CACNG2: variants seen among roughly 807,000 people sequenced by gnomAD.
CACNG2 encodes the protein calcium voltage-gated channel auxiliary subunit gamma 2, also known as voltage-dependent calcium channel gamma-2 subunit.
A neutral mutation model predicts 25.9 loss-of-function variants in CACNG2; 3 were observed. The ratio of observed to expected loss-of-function variants is 0.12; its 90% CI spans 0.05 to 0.30. The LOEUF (loss-of-function observed/expected upper bound fraction) is 0.30. CACNG2 is among the 10% of genes least tolerant of loss of function. The pLI, the probability that CACNG2 is intolerant of heterozygous loss-of-function variation, is 1.00. For missense variants in CACNG2, 341 were observed against 432.5 expected (o/e 0.79, Z 1.88); for synonymous variants, 167 against 173.3 (o/e 0.96, Z 0.29).
intron 2 of CACNG2, among the ~76,000 whole-genome samples, chr22:36,568,354 A>G (rs1935163720): frequency 6.6e-6 from 1 of 151,920 alleles, no homozygotes; most frequent in South Asian, 2.1e-4. Flanking sequence ...TGAGAAGAGA[A>G]TTTCTCTATA....
chr22:36,591,658 C>G (rs1935594528), intron 1 of CACNG2, among the ~76,000 whole-genome samples: 2 of 152,050 alleles, frequency 1.3e-5, no homozygotes, highest in South Asian at 2.1e-4. Flanking sequence ...GGTGACAGAG[C>G]AAGACTCTGT....
intron 1 of CACNG2, among the ~76,000 whole-genome samples, chr22:36,671,975 G>C (rs1369274915): frequency 1.3e-5 from 2 of 152,080 alleles, no homozygotes; most frequent in East Asian, 3.9e-4. Flanking sequence ...AGGTAAGACG[G>C]GTAACTTTCA....
chr22:36,664,025 C>T (rs1341247405), intron 1 of CACNG2, among the ~76,000 whole-genome samples: 2 of 152,104 alleles, frequency 1.3e-5, no homozygotes, highest in African/African-American at 4.8e-5. Flanking sequence ...CTTGCTGCTC[C>T]CCTCTGGACC....
chr22:36,630,451 G>A (rs1377019393), intron 1 of CACNG2, among the ~76,000 whole-genome samples: 1 of 152,106 alleles, frequency 6.6e-6, no homozygotes, highest in African/African-American at 2.4e-5. Context: ...ATCTAGGAGG[G>A]GAAGAGCAAT....
At chr22:36,597,718 G>T (rs1284544141) in intron 1 of CACNG2, among the ~76,000 whole-genome samples, 2 of 152,126 alleles carry the variant, frequency 1.3e-5, no homozygotes, top group African/African-American at 4.8e-5. Context: ...ATTTTAATGG[G>T]CATGGGAAGC....
intron 2 of CACNG2, among the ~76,000 whole-genome samples, chr22:36,583,555 G>T (rs1376978324): frequency 6.6e-6 from 1 of 152,126 alleles, no homozygotes; most frequent in Non-Finnish European, 1.5e-5. Context: ...GGAGAAAGAA[G>T]AGTTGCTTGA....
rs543976757 is a variant in CACNG2 at position 36,638,073 on chromosome 22, C to G, written c.212-50525G>C. ...TTCTGAAGTCCATACTGCCTTTACT[C>G]CTCTGTGGGTTCATGTGTGGACCTG... On this transcript the variant is annotated intron_variant, in intron 1 of 3. Transcript: ENST00000300105. Among the ~76,000 whole-genome samples the G allele has an allele frequency of 2.1e-3, 318 of 152,198 alleles. 2 individuals carry two copies. Among genetic ancestry groups the G allele is most frequent in the African/African-American group, 7.5e-3 (312 of 41,536 alleles).
At chr22:36,657,455 ACTCGGGAGGG>A (rs1373812099) in intron 1 of CACNG2, among the ~76,000 whole-genome samples, 1 of 152,084 alleles carries the variant, frequency 6.6e-6, no homozygotes, top group Non-Finnish European at 1.5e-5. Flanking sequence ...CCTGGCCTGG[ACTCGGGAGGG>A]CTCTGCCTGG....
intron 1 of CACNG2, among the ~76,000 whole-genome samples, chr22:36,631,860 G>T (rs1936278028): frequency 6.6e-6 from 1 of 152,046 alleles, no homozygotes; most frequent in Non-Finnish European, 1.5e-5. Context: ...CAGAGACATG[G>T]GCTCTCTGGC....
chr22:36,639,424 A>G (rs899778904), intron 1 of CACNG2, among the ~76,000 whole-genome samples: 1 of 152,106 alleles, frequency 6.6e-6, no homozygotes, highest in African/African-American at 2.4e-5. Flanking sequence ...GGGTAGAGGG[A>G]AGTGTGAGAG....
intron 1 of CACNG2, among the ~76,000 whole-genome samples, chr22:36,647,458 T>C (rs1458829418): frequency 2.0e-5 from 3 of 152,030 alleles, no homozygotes; most frequent in African/African-American, 7.2e-5. Flanking sequence ...TAGATGGGTG[T>C]GGTGGCAGGC....
At chr22:36,570,656 G>C (rs892500325) in intron 2 of CACNG2, among the ~76,000 whole-genome samples, 13 of 151,900 alleles carry the variant, frequency 8.6e-5, no homozygotes, top group Admixed American at 2.0e-4. Flanking sequence ...TCAGCTACTG[G>C]GGGTGCTGAG....
Position 36,564,346 on chromosome 22 carries a change from G to C in CACNG2, c.*5C>G, listed in dbSNP as rs374613281. 6.2e-7 allele frequency: 1 copy of C among 1,611,860 alleles called. No individual in the cohort carries two copies. The highest frequency in any genetic ancestry group is 8.5e-7 in the Non-Finnish European group (1 of 1,179,034). On this transcript the variant is annotated 3_prime_UTR_variant, in exon 4 of 4. Coordinates refer to ENST00000300105, the MANE Select transcript of CACNG2 (RefSeq NM_006078.5). The surrounding 1 kb of genome is among the most constrained non-coding windows in gnomAD (Gnocchi z 6.7). Reference sequence around the variant, plus strand: ...CCCGCGGTCTTCTGGCGAGGCCCGCGGTCTTTATACGGGGGTGGTCCGGCG... The same window carrying C: ...CCCGCGGTCTTCTGGCGAGGCCCGCCGTCTTTATACGGGGGTGGTCCGGCG...
At chr22:36,671,277 A>G (rs1232739818) in intron 1 of CACNG2, among the ~76,000 whole-genome samples, 3 of 152,250 alleles carry the variant, frequency 2.0e-5, no homozygotes, top group Non-Finnish European at 2.9e-5. Context: ...TTAACCTTGT[A>G]GTAATACATT....
intron 1 of CACNG2, among the ~76,000 whole-genome samples, chr22:36,696,531 C>T (rs1042232097): frequency 6.6e-5 from 10 of 152,186 alleles, no homozygotes; most frequent in Non-Finnish European, 1.2e-4. Flanking sequence ...TGGGTTCATT[C>T]ATTAACAAGG....
At chr22:36,573,408 G>C (rs1015700490) in intron 2 of CACNG2, among the ~76,000 whole-genome samples, 1 of 152,112 alleles carries the variant, frequency 6.6e-6, no homozygotes, top group African/African-American at 2.4e-5. Flanking sequence ...TCGGCTCACT[G>C]TAACCTCTGC....
Position 36,561,672 on chromosome 22 carries a change from C to T in CACNG2, c.*2679G>A, listed in dbSNP as rs964014975. On this transcript the variant is annotated 3_prime_UTR_variant, in exon 4 of 4. Transcript: ENST00000300105. Reference sequence around the variant, plus strand: ...AGAAAAATGCAAACCGGGGGAGACTCGCAGGCAGAGGCAGGGGGGCCTCAC... The same window carrying T: ...AGAAAAATGCAAACCGGGGGAGACTTGCAGGCAGAGGCAGGGGGGCCTCAC... 2.7e-4 allele frequency: 41 copies of T among 152,518 alleles called. 1 individual carries two copies. The highest frequency in any genetic ancestry group is 1.3e-3 in the Admixed American group (20 of 15,290). The allele number at this position is 152,518 out of a possible 1,614,324, so 9.4% of individuals were successfully genotyped here. A position where few individuals can be genotyped will look rare whatever the true frequency, so the allele number is the denominator to read the frequency against.
At chr22:36,688,763 C>A (rs1937234080) in intron 1 of CACNG2, among the ~76,000 whole-genome samples, 1 of 152,274 alleles carries the variant, frequency 6.6e-6, no homozygotes, top group East Asian at 1.9e-4. Context: ...GCTCTGAAGC[C>A]TTGCTTCTCA....
chr22:36,696,510 G>A (rs1327029816), intron 1 of CACNG2, among the ~76,000 whole-genome samples: 1 of 152,196 alleles, frequency 6.6e-6, no homozygotes, highest in East Asian at 1.9e-4. Flanking sequence ...CACTGTAGCA[G>A]GCAGTAGTCA....
Sources: allele counts gnomAD v4.1 joint callset (sites outside exome capture counted in the v4.1 genomes callset), GRCh38; gene constraint gnomAD v4.1.1; non-coding constraint Gnocchi (gnomAD v3.1); transcripts MANE v1.5; gene names NCBI Gene and HGNC (gene_info 2026-07-23, HGNC 2026-07-21).